Variants in KRIT1 observed in about 807,000 individuals in gnomAD.
KRIT1 encodes the protein KRIT1 ankyrin repeat containing.
A neutral mutation model predicts 95.8 loss-of-function variants in KRIT1; 45 were observed. The observed-to-expected ratio is 0.47, with a 90% CI of 0.37 to 0.60. The LOEUF is 0.60. KRIT1 is among the 20% of genes least tolerant of loss of function. The pLI, the probability that KRIT1 is intolerant of heterozygous loss-of-function variation, is 0.00. For synonymous variants in KRIT1, 282 were observed against 278.8 expected, an observed-to-expected ratio of 1.01 and a Z score of -0.11; for missense variants, 788 against 877.5, an observed-to-expected ratio of 0.90 and a Z score of 1.29.
Position 92,238,494 on chromosome 7 carries a change from C to T in KRIT1, c.263-735G>A, listed in dbSNP as rs182525358. 2.1e-3 allele frequency among the ~76,000 whole-genome samples: 326 copies of T among 152,218 alleles called. 4 individuals carry two copies. Among genetic ancestry groups the T allele is most frequent in the African/African-American group, 7.3e-3 (301 of 41,510 alleles). On this transcript the variant is annotated intron_variant, in intron 5 of 18. Coordinates refer to ENST00000394505, the MANE Select transcript of KRIT1 (RefSeq NM_194454.3). Reference sequence around the variant, plus strand: ...TCACTTATTCACAAAATATCAGAGCCAATATTTGTGATTATTAAGACCTTC... The same window carrying T: ...TCACTTATTCACAAAATATCAGAGCTAATATTTGTGATTATTAAGACCTTC...
In KRIT1 at chr7:92,226,560, A is replaced by G; in HGVS notation, c.1112T>C (p.Val371Ala). The change falls in exon 11 of 19, where the codon GTA (valine) becomes GCA (alanine). Residue 371 changes from valine (V) to alanine (A), a missense_variant. Val to Ala is a moderately conservative substitution (Grantham distance 64). Coordinates refer to ENST00000394505, the MANE Select transcript of KRIT1 (RefSeq NM_194454.3). ...TTCTGGGTGGTTTAGGAGAATCTGT[A>G]CTATTTCAGCATGTCCTCCTCCAGC... ...FAAGGGHAEI[V>A]QILLNHPETD... The G allele has an allele frequency of 6.2e-7, 1 of 1,613,168 alleles. No homozygotes were observed.
chr7:92,227,483 T>C (rs1194696902), intron 10 of KRIT1, among the ~76,000 whole-genome samples: 1 of 152,026 alleles, frequency 6.6e-6, no homozygotes, highest in Non-Finnish European at 1.5e-5. Flanking sequence ...ACAAGAGATA[T>C]GATTTCAGTC....
intron 17 of KRIT1, among the ~76,000 whole-genome samples, chr7:92,207,475 T>C (rs753006657): frequency 3.3e-5 from 5 of 152,154 alleles, no homozygotes; most frequent in African/African-American, 4.8e-5. Context: ...ACAATAATAG[T>C]TGGGGAATTC....
At chr7:92,224,736 G>A (rs1795872696) in intron 12 of KRIT1, among the ~76,000 whole-genome samples, 1 of 152,118 alleles carries the variant, frequency 6.6e-6, no homozygotes, top group African/African-American at 2.4e-5. Context: ...TTTATGAGGA[G>A]GAAAATGAGT....
intron 17 of KRIT1, among the ~76,000 whole-genome samples, chr7:92,205,539 G>A (rs771963475): frequency 2.6e-5 from 4 of 152,080 alleles, no homozygotes; most frequent in Non-Finnish European, 5.9e-5. Context: ...AGAAGTTCGA[G>A]ACCAGCCTGG....
At chr7:92,227,380 T>C (rs1020522225) in intron 10 of KRIT1, among the ~76,000 whole-genome samples, 1 of 152,018 alleles carries the variant, frequency 6.6e-6, no homozygotes, top group African/African-American at 2.4e-5. Flanking sequence ...CTAACCAACA[T>C]GGTGAAACCC....
At chr7:92,224,449 C>A (rs1246037217) in intron 12 of KRIT1, among the ~76,000 whole-genome samples, 2 of 151,838 alleles carry the variant, frequency 1.3e-5, no homozygotes, top group Admixed American at 6.6e-5. Context: ...CCAGCCTGGG[C>A]AACATAGTGA....
intron 18 of KRIT1, 130 bp downstream of exon 18, chr7:92,201,177 G>T: frequency 1.5e-6 from 1 of 662,066 alleles, no homozygotes. Flanking sequence ...TTTATTCCTT[G>T]GTCTTAAATA....
At chr7:92,229,376 G>A (rs2131571220) in intron 10 of KRIT1, among the ~76,000 whole-genome samples, 1 of 152,280 alleles carries the variant, frequency 6.6e-6, no homozygotes, top group East Asian at 1.9e-4. Context: ...CAGAATGGGA[G>A]ACAATATTTG....
chr7:92,205,319 C>A (rs1444496738), intron 17 of KRIT1, among the ~76,000 whole-genome samples: 1 of 151,440 alleles, frequency 6.6e-6, no homozygotes, highest in Non-Finnish European at 1.5e-5. Flanking sequence ...GCACTGCAGC[C>A]TGGGCAACAA....
intron 10 of KRIT1, 28 bp from the exon 11 acceptor site, chr7:92,226,710 A>C (rs539869948): frequency 3.1e-6 from 5 of 1,607,082 alleles, no homozygotes; most frequent in African/African-American, 2.7e-5. Context: ...CAAACAAAAA[A>C]CAACAACAAA....
intron 5 of KRIT1, 30 bp from the exon 6 acceptor site, chr7:92,237,789 AAAAT>A (rs1296093545): frequency 1.9e-6 from 2 of 1,075,588 alleles, no homozygotes; most frequent in African/African-American, 3.1e-5. Context: ...TAGCAAAACA[AAAAT>A]AATACACTTT....
chr7:92,229,061 G>T (rs1014399471), intron 10 of KRIT1, among the ~76,000 whole-genome samples: 1 of 152,134 alleles, frequency 6.6e-6, no homozygotes, highest in Admixed American at 6.5e-5. Context: ...GTGTGTGCAT[G>T]TGTCTTTATG....
In KRIT1 at chr7:92,199,526, A is replaced by G. The variant is rs551053354; in HGVS notation, c.*1210T>C. The G allele has an allele frequency of 3.9e-5, 6 of 152,350 alleles. No homozygotes were observed. The highest frequency in any genetic ancestry group is 7.3e-5 in the Non-Finnish European group (5 of 68,034). The allele number at this position is 152,350 out of a possible 1,614,324, so 9.4% of individuals were successfully genotyped here. ...TATCACTACTTTCCTAAATGAAACA[A>G]TAAGATATCTGGTGATTTACTTCCT... On this transcript the variant is annotated 3_prime_UTR_variant, in exon 19 of 19. Coordinates refer to ENST00000394505, the MANE Select transcript of KRIT1 (RefSeq NM_194454.3).
intron 15 of KRIT1, 58 bp from the exon 16 acceptor site, chr7:92,214,037 G>A: frequency 5.8e-6 from 6 of 1,027,474 alleles, no homozygotes; most frequent in Middle Eastern, 2.1e-4. Context: ...CTAAAGTATA[G>A]TAATCATTCT....
In KRIT1 at chr7:92,201,450, T is replaced by C. The variant is rs779667903; in HGVS notation, c.2026-27A>G. The C allele has an allele frequency of 6.8e-6, 7 of 1,033,644 alleles. No individual in the cohort carries two copies. In the Admixed American group the frequency reaches 8.4e-5, roughly 12 times the overall value. The allele number at this position is 1,033,644 out of a possible 1,614,324, so 64.0% of individuals were successfully genotyped here. On this transcript the variant is annotated intron_variant, in intron 17 of 18. Transcript: ENST00000394505. ...TGCAACATAATTGGAAACAACTATA[T>C]TGAAATACATATTAAAAACTTCACC...
At position 92,200,306 on chromosome 7, in the gene KRIT1, T is replaced by A. The variant is rs1789862362; in HGVS notation, c.*430A>T. ...AAACATAAGTACAGATTCTGTACAA[T>A]GTAATAGTATACATATATATTACAA... On this transcript the variant is annotated 3_prime_UTR_variant, in exon 19 of 19. Coordinates refer to ENST00000394505, the MANE Select transcript of KRIT1 (RefSeq NM_194454.3). The A allele has an allele frequency of 4.6e-6, 1 of 216,928 alleles. No homozygotes were observed. Among genetic ancestry groups the A allele is most frequent in the African/African-American group, 2.3e-5 (1 of 43,330 alleles). 13.4% of individuals were successfully genotyped at this position (216,928 alleles called of 1,614,324 possible).
chr7:92,222,805 A>C lies in KRIT1; in HGVS notation c.1411+17T>G. ...GGAATAATGAGGTTTACTATAACATAATAAAAACTTTCTTACTGAGGTTTT... is the reference window on the plus strand; with the variant it reads ...GGAATAATGAGGTTTACTATAACATCATAAAAACTTTCTTACTGAGGTTTT... On this transcript the variant is annotated intron_variant, in intron 13 of 18. Transcript: ENST00000394505. 6.6e-7 allele frequency: 1 copy of C among 1,513,960 alleles called. No individual in the cohort carries two copies. Among genetic ancestry groups the C allele is most frequent in the South Asian group, 1.1e-5 (1 of 88,978 alleles). The allele number at this position is 1,513,960 out of a possible 1,614,324, so 93.8% of individuals were successfully genotyped here.
chr7:92,226,952 G>A (rs1166878421), intron 10 of KRIT1, among the ~76,000 whole-genome samples: 1 of 152,106 alleles, frequency 6.6e-6, no homozygotes, highest in African/African-American at 2.4e-5. Context: ...TAGAGCAGAC[G>A]ACAGAGAAAC....
Sources: gnomAD v4.1 joint callset for allele counts (sites outside exome capture counted in the v4.1 genomes callset) on GRCh38, gnomAD v4.1.1 for gene constraint, MANE v1.5 for transcripts, NCBI Gene and HGNC (gene_info 2026-07-23, HGNC 2026-07-21) for gene names.